Variants in C19orf47 observed in about 807,000 individuals in gnomAD.
C19orf47 encodes uncharacterized protein C19orf47.
In C19orf47, 18 loss-of-function variants were observed where a neutral mutation model predicts 32.3. That is an observed-to-expected ratio of 0.56 (90% CI 0.39 to 0.83). The LOEUF is 0.83. Among genes scored for constraint, C19orf47 ranks in the 40% least tolerant of loss-of-function variants. C19orf47 has a pLI of 0.00. For missense variants in C19orf47, 484 were observed against 531.6 expected (o/e 0.91, Z 0.88); for synonymous variants, 202 against 211.1 (o/e 0.96, Z 0.37).
At chr19:40,346,315 C>T (rs2078277252) in intron 1 of C19orf47, among the ~76,000 whole-genome samples, 1 of 149,124 alleles carries the variant, frequency 6.7e-6, no homozygotes, top group Admixed American at 6.7e-5. Context: ...TGGTGGTGGG[C>T]ACCTGTAATC....
the C19orf47 span, among the ~76,000 whole-genome samples, chr19:40,293,428 G>A: frequency 3.3e-5 from 5 of 151,776 alleles, no homozygotes; most frequent in East Asian, 9.8e-4. Context: ...TTACAGGCAT[G>A]AGCCACCGTG....
At chr19:40,326,248 C>T (rs1343214996) in intron 7 of C19orf47, 86 bp downstream of exon 7, 34 of 1,545,254 alleles carry the variant, frequency 2.2e-5, no homozygotes, top group Middle Eastern at 2.1e-4. Context: ...TTCTCAGCCA[C>T]CGTCTGTAGG....
At chr19:40,325,264 C>T (rs2077805808) in intron 7 of C19orf47, among the ~76,000 whole-genome samples, 3 of 149,272 alleles carry the variant, frequency 2.0e-5, no homozygotes, top group African/African-American at 4.9e-5. Context: ...AGCAAGACTC[C>T]GTTTCAAAAA....
At chr19:40,307,178 C>T in the C19orf47 span, among the ~76,000 whole-genome samples, 6 of 142,526 alleles carry the variant, frequency 4.2e-5, no homozygotes, top group African/African-American at 1.3e-4. Context: ...TCACTGCAAC[C>T]TCTGCCTCCC....
At chr19:40,307,620 TCCACCTGCCTCTGTCTC>T in the C19orf47 span, among the ~76,000 whole-genome samples, 1 of 152,132 alleles carries the variant, frequency 6.6e-6, no homozygotes, top group Non-Finnish European at 1.5e-5. Context: ...GCTCAAGCAA[TCCACCTGCCTCTGTCTC>T]CCACAGTACT....
At chr19:40,348,408 G>A (rs1040863047), upstream of C19orf47, 20 of 1,487,946 alleles carry the variant, frequency 1.3e-5, no homozygotes, top group Middle Eastern at 3.5e-4. Flanking sequence ...CCCCGGCCCG[G>A]GCTGCCCGCC....
At chr19:40,332,473 A>C (rs2077974308) in intron 5 of C19orf47, 1 of 151,882 alleles carries the variant, frequency 6.6e-6, no homozygotes, top group Admixed American at 6.6e-5. Flanking sequence ...ACAGGGTGAA[A>C]TTCTGTCTAC....
At chr19:40,326,284 A>G in intron 7 of C19orf47, 50 bp downstream of exon 7, 1 of 1,606,590 alleles carries the variant, frequency 6.2e-7, no homozygotes, top group Non-Finnish European at 8.5e-7. Context: ...TGTGATGCAG[A>G]GGGAGGGACA....
chr19:40,345,460 A>G (rs2078253484), intron 1 of C19orf47, among the ~76,000 whole-genome samples: 1 of 146,916 alleles, frequency 6.8e-6, no homozygotes, highest in Non-Finnish European at 1.5e-5. Context: ...GCACTTTGGG[A>G]GGCCGAAGCA....
intron 6 of C19orf47, among the ~76,000 whole-genome samples, chr19:40,327,475 T>C (rs1227604498): frequency 6.6e-6 from 1 of 152,140 alleles, no homozygotes; most frequent in Non-Finnish European, 1.5e-5. Context: ...TTTTTGCTTG[T>C]GGCACACAAA....
chr19:40,327,002 T>C (rs895646090), intron 6 of C19orf47, among the ~76,000 whole-genome samples: 3 of 151,364 alleles, frequency 2.0e-5, no homozygotes, highest in Non-Finnish European at 4.4e-5. Flanking sequence ...TTACACTGAT[T>C]TTAACTTTTT....
rs1166556132 is a variant in C19orf47, at chr19:40,323,988, T to C, written c.663+18A>G. 3.1e-6 allele frequency: 5 copies of C among 1,613,750 alleles called. No homozygotes were observed. The highest frequency in any genetic ancestry group is 4.2e-6 in the Non-Finnish European group (5 of 1,179,926). ...CAACAGCTCGCACGCCCAGAATCGCTCCCCCATCCCCACTCACTTTACTCC... is the reference window on the plus strand; with the variant it reads ...CAACAGCTCGCACGCCCAGAATCGCCCCCCCATCCCCACTCACTTTACTCC... On this transcript the variant is annotated intron_variant, in intron 8 of 8. Transcript: ENST00000683109.
chr19:40,304,302 C>G, the C19orf47 span, among the ~76,000 whole-genome samples: 1 of 152,118 alleles, frequency 6.6e-6, no homozygotes, highest in Non-Finnish European at 1.5e-5. Flanking sequence ...ATGGAGGGAA[C>G]CTGGGGAACA....
the C19orf47 span, among the ~76,000 whole-genome samples, chr19:40,311,742 G>A: frequency 6.6e-6 from 1 of 151,804 alleles, no homozygotes; most frequent in African/African-American, 2.4e-5. Flanking sequence ...TGCAATGTCT[G>A]CCTCCTGGGT....
intron 8 of C19orf47, among the ~76,000 whole-genome samples, chr19:40,323,621 T>C (rs1211322097): frequency 6.6e-6 from 1 of 152,022 alleles, no homozygotes; most frequent in Admixed American, 6.5e-5. Flanking sequence ...GAGGCTATCA[T>C]CCTATCCTGA....
chr19:40,345,975 C>A (rs1321756813), intron 1 of C19orf47, among the ~76,000 whole-genome samples: 1 of 150,120 alleles, frequency 6.7e-6, no homozygotes, highest in African/African-American at 2.5e-5. Context: ...GCCAACATGG[C>A]GAAACTCCGC....
rs150454244 is a variant in C19orf47, at chr19:40,336,196, T to C, written c.136A>G (p.Asn46Asp). 2.8e-5 allele frequency: 45 copies of C among 1,614,168 alleles called. No individual in the cohort carries two copies. In the African/African-American group the frequency reaches 5.6e-4, roughly 20 times the overall value. ...RIQKSMLLDL[N>D]KEIMNELGVT... ...CCCAGCTCATTCATTATCTCCTTAT[T>C]GAGATCCAGCAGCATGCTCTTCTGA... Residue 46 changes from asparagine (N) to aspartate (D), a missense_variant, in exon 4 of 9, where the codon AAT becomes GAT. By Grantham distance (23) the Asn-to-Asp change is conservative. Transcript: ENST00000683109.
the C19orf47 span, among the ~76,000 whole-genome samples, chr19:40,306,074 C>G: frequency 6.7e-6 from 1 of 150,244 alleles, no homozygotes; most frequent in African/African-American, 2.5e-5. Flanking sequence ...TCGCTTGAAC[C>G]CAGATGAAGG....
chr19:40,336,732 T>C (rs1413615975), intron 2 of C19orf47, among the ~76,000 whole-genome samples: 1 of 152,174 alleles, frequency 6.6e-6, no homozygotes, highest in Non-Finnish European at 1.5e-5. Flanking sequence ...CCCCAGTGCT[T>C]GCTCTCTGCA....
Sources: gnomAD v4.1 joint callset for allele counts (sites outside exome capture counted in the v4.1 genomes callset) on GRCh38, gnomAD v4.1.1 for gene constraint, MANE v1.5 for transcripts, NCBI Gene and HGNC (gene_info 2026-07-23, HGNC 2026-07-21) for gene names.